DOK5: variants seen among roughly 807,000 people sequenced by gnomAD.
DOK5 encodes the protein docking protein 5, also known as downstream of tyrosine kinase 5.
A neutral mutation model predicts 43.3 loss-of-function variants in DOK5; 27 were observed. The ratio of observed to expected loss-of-function variants is 0.62; its 90% confidence interval spans 0.46 to 0.86. The LOEUF is 0.86. DOK5 is among the 40% of genes least tolerant of loss of function. The pLI, the probability that DOK5 is intolerant of heterozygous loss-of-function variation, is 0.00. For missense variants in DOK5, 373 were observed against 392.9 expected, an observed-to-expected ratio of 0.95 and a Z score of 0.43; for synonymous variants, 146 against 140.1, an observed-to-expected ratio of 1.04 and a Z score of -0.30.
intron 1 of DOK5, among the ~76,000 whole-genome samples, chr20:54,533,600 G>A (rs1914009170): frequency 6.6e-6 from 1 of 152,124 alleles, no homozygotes; most frequent in Non-Finnish European, 1.5e-5. Context: ...ATAGCTGTAA[G>A]TTCTGCACTA....
intron 6 of DOK5, among the ~76,000 whole-genome samples, chr20:54,619,048 T>A (rs1986905643): frequency 9.4e-6 from 1 of 106,222 alleles, no homozygotes; most frequent in African/African-American, 3.6e-5. Flanking sequence ...TATATATATA[T>A]ATATATATAT....
intron 1 of DOK5, among the ~76,000 whole-genome samples, chr20:54,490,144 A>T (rs1037975600): frequency 6.6e-6 from 1 of 152,208 alleles, no homozygotes; most frequent in African/African-American, 2.4e-5. Context: ...GTAGTTATTT[A>T]GTGAGCATTT....
intron 1 of DOK5, among the ~76,000 whole-genome samples, chr20:54,478,805 G>A (rs1436522973): frequency 6.6e-6 from 1 of 152,182 alleles, no homozygotes; most frequent in Non-Finnish European, 1.5e-5. Flanking sequence ...TGCAATGAAA[G>A]TCTAGAACAT....
intron 4 of DOK5, among the ~76,000 whole-genome samples, chr20:54,590,517 G>C (rs1024003839): frequency 1.1e-4 from 16 of 151,752 alleles, no homozygotes; most frequent in East Asian, 3.9e-4. Flanking sequence ...AACTTTCAAG[G>C]GGGGGGAATA....
intron 2 of DOK5, among the ~76,000 whole-genome samples, chr20:54,580,845 A>T (rs1490282923): frequency 6.6e-6 from 1 of 151,688 alleles, no homozygotes; most frequent in African/African-American, 2.4e-5. Context: ...CACTCTGTTG[A>T]TTGTTTCTTT....
At chr20:54,522,166 T>C (rs1159360676) in intron 1 of DOK5, among the ~76,000 whole-genome samples, 4 of 152,158 alleles carry the variant, frequency 2.6e-5, no homozygotes. Context: ...AAGAATTGTC[T>C]TGGGCCACAC....
At chr20:54,495,540 T>C (rs958887443) in intron 1 of DOK5, among the ~76,000 whole-genome samples, 2 of 152,220 alleles carry the variant, frequency 1.3e-5, no homozygotes, top group Non-Finnish European at 1.5e-5. Context: ...ATTTGTATAA[T>C]AGATGGAATT....
intron 6 of DOK5, among the ~76,000 whole-genome samples, chr20:54,642,549 C>CAAAAAAAAAAAAAA (rs66463305): frequency 2.6e-4 from 25 of 96,276 alleles, no homozygotes; most frequent in Admixed American, 5.3e-4. Context: ...ACTAAAAATA[C>CAAAAAAAAAAAAAA]AAAAAAAAAA....
chr20:54,619,002 A>T (rs1986899825), intron 6 of DOK5, among the ~76,000 whole-genome samples: 1 of 130,726 alleles, frequency 7.6e-6, no homozygotes, highest in South Asian at 2.7e-4. Context: ...GGGCAACAGA[A>T]CAAGACCTTG....
At chr20:54,514,305 C>T (rs149779914) in intron 1 of DOK5, among the ~76,000 whole-genome samples, 21 of 152,240 alleles carry the variant, frequency 1.4e-4, no homozygotes, top group Middle Eastern at 3.4e-3. Flanking sequence ...ATGTACTAAG[C>T]GTGAGAATTT....
At chr20:54,579,381 G>A (rs967625656) in intron 2 of DOK5, among the ~76,000 whole-genome samples, 3 of 120,086 alleles carry the variant, frequency 2.5e-5, no homozygotes, top group Non-Finnish European at 4.9e-5. Context: ...TGTGTTGGCA[G>A]GGGGTGAGGC....
intron 1 of DOK5, among the ~76,000 whole-genome samples, chr20:54,533,396 G>T (rs2146708282): frequency 6.6e-6 from 1 of 152,238 alleles, no homozygotes; most frequent in African/African-American, 2.4e-5. Flanking sequence ...TTGTGTTTAT[G>T]AACTGGATGA....
intron 1 of DOK5, among the ~76,000 whole-genome samples, chr20:54,520,494 C>G (rs1018093057): frequency 6.6e-6 from 1 of 152,048 alleles, no homozygotes. Context: ...TTCTGCAAGT[C>G]TTGGCCAGGT....
intron 1 of DOK5, among the ~76,000 whole-genome samples, chr20:54,504,128 C>T (rs1354649298): frequency 7.2e-5 from 11 of 152,242 alleles, no homozygotes; most frequent in South Asian, 6.2e-4. Context: ...TTCACCTTCC[C>T]ACATCCTACA....
chr20:54,597,874 T>G (rs1986189973), intron 5 of DOK5, among the ~76,000 whole-genome samples: 1 of 152,188 alleles, frequency 6.6e-6, no homozygotes, highest in South Asian at 2.1e-4. Flanking sequence ...CTAAATCCAT[T>G]TTGGATGATC....
chr20:54,600,783 G>T (rs76053975), intron 5 of DOK5, among the ~76,000 whole-genome samples: 23 of 152,150 alleles, frequency 1.5e-4, no homozygotes, highest in Non-Finnish European at 1.0e-4. Flanking sequence ...GAGTTATATT[G>T]TTCCTGTCTA....
chr20:54,515,720 AT>A (rs1371168426), intron 1 of DOK5, among the ~76,000 whole-genome samples: 1 of 152,182 alleles, frequency 6.6e-6, no homozygotes, highest in Non-Finnish European at 1.5e-5. Context: ...GAAGAAAATC[AT>A]TTTTTTGTAT....
At chr20:54,568,718 A>C (rs368005067) in intron 2 of DOK5, among the ~76,000 whole-genome samples, 4 of 152,074 alleles carry the variant, frequency 2.6e-5, no homozygotes, top group East Asian at 3.9e-4. Flanking sequence ...ATCACGAGGT[A>C]AGGAGATCGA....
At chr20:54,476,284 T>A in intron 1 of DOK5, 1 of 894,644 alleles carries the variant, frequency 1.1e-6, no homozygotes, top group Non-Finnish European at 1.3e-6. Flanking sequence ...CTACTCGAAA[T>A]AAATATTTCT....
Sources: allele counts gnomAD v4.1 joint callset (sites outside exome capture counted in the v4.1 genomes callset), GRCh38; gene constraint gnomAD v4.1.1; transcripts MANE v1.5; gene names NCBI Gene and HGNC (gene_info 2026-07-23, HGNC 2026-07-21).